LSAMP: variants seen among roughly 807,000 people sequenced by gnomAD.
The protein encoded by LSAMP is limbic system associated membrane protein.
LSAMP carries 7 observed loss-of-function variants against 38.6 expected under a neutral mutation model. The observed-to-expected ratio is 0.18, with a 90% CI of 0.10 to 0.34. LSAMP has a LOEUF of 0.34. Among genes scored for constraint, LSAMP ranks in the 10% least tolerant of loss-of-function variants. The pLI, the probability that LSAMP is intolerant of heterozygous loss-of-function variation, is 1.00. For synonymous variants in LSAMP, 154 were observed against 166.8 expected (o/e 0.92, Z 0.59); for missense variants, 313 against 420.0 (o/e 0.75, Z 2.23).
intron 1 of LSAMP, among the ~76,000 whole-genome samples, chr3:116,285,772 C>T (rs1210751973): frequency 1.3e-5 from 2 of 152,102 alleles, no homozygotes; most frequent in Admixed American, 1.3e-4. Flanking sequence ...AAAAGAAATG[C>T]CTTCTTTTTT....
At chr3:116,232,675 TAA>T (rs2046414720) in intron 1 of LSAMP, among the ~76,000 whole-genome samples, 1 of 145,858 alleles carries the variant, frequency 6.9e-6, no homozygotes, top group East Asian at 2.1e-4. Context: ...CTTTTTCTTT[TAA>T]TTTTCTTTTC....
chr3:116,191,666 T>C (rs892416434), intron 1 of LSAMP, among the ~76,000 whole-genome samples: 3 of 151,786 alleles, frequency 2.0e-5, no homozygotes, highest in Non-Finnish European at 4.4e-5. Flanking sequence ...GGTTTAGCTC[T>C]TCTGTCTTGA....
chr3:116,427,266 G>A (rs925894762), intron 1 of LSAMP, among the ~76,000 whole-genome samples: 25 of 151,160 alleles, frequency 1.7e-4, no homozygotes, highest in Non-Finnish European at 2.9e-4. Context: ...GACTACAGGC[G>A]CCCACCACCG....
chr3:116,284,740 A>G (rs887395126), intron 1 of LSAMP, among the ~76,000 whole-genome samples: 1 of 152,176 alleles, frequency 6.6e-6, no homozygotes, highest in Non-Finnish European at 1.5e-5. Flanking sequence ...ATGGGCTCTC[A>G]ATCCAAAGAA....
chr3:116,048,573 A>G (rs1376591455), intron 2 of LSAMP, among the ~76,000 whole-genome samples: 1 of 152,222 alleles, frequency 6.6e-6, no homozygotes, highest in Non-Finnish European at 1.5e-5. Flanking sequence ...GAACAAATGT[A>G]AATCTAACAA....
chr3:116,189,249 A>G (rs1710697162), intron 1 of LSAMP, among the ~76,000 whole-genome samples: 1 of 152,204 alleles, frequency 6.6e-6, no homozygotes, highest in Non-Finnish European at 1.5e-5. Context: ...TGGTCTAGAT[A>G]AATAATTTTC....
At chr3:116,431,199 G>A (rs1021938142) in intron 1 of LSAMP, among the ~76,000 whole-genome samples, 5 of 151,706 alleles carry the variant, frequency 3.3e-5, no homozygotes, top group African/African-American at 4.8e-5. Context: ...TTATTTTGGC[G>A]TAATTGCTTG....
At chr3:115,850,650 G>C (rs1170781412) in intron 4 of LSAMP, among the ~76,000 whole-genome samples, 1 of 152,172 alleles carries the variant, frequency 6.6e-6, no homozygotes, top group Non-Finnish European at 1.5e-5. Context: ...AGATAGCTAG[G>C]GATAGAAGCA....
intron 1 of LSAMP, among the ~76,000 whole-genome samples, chr3:116,218,312 T>C (rs1432302488): frequency 6.6e-6 from 1 of 152,216 alleles, no homozygotes; most frequent in Non-Finnish European, 1.5e-5. Context: ...CTATGTATAC[T>C]ACCTGTGATT....
At chr3:116,270,181 A>T (rs2046952913) in intron 1 of LSAMP, among the ~76,000 whole-genome samples, 2 of 152,116 alleles carry the variant, frequency 1.3e-5, no homozygotes, top group South Asian at 4.1e-4. Context: ...ACATGTCCTA[A>T]TAAGTATGTC....
intron 3 of LSAMP, among the ~76,000 whole-genome samples, chr3:115,972,465 C>T (rs372053555): frequency 2.0e-5 from 3 of 151,674 alleles, no homozygotes; most frequent in East Asian, 1.9e-4. Flanking sequence ...TATTTTAATA[C>T]GTTTAAAATA....
chr3:116,438,183 C>T (rs1300807513), intron 1 of LSAMP, among the ~76,000 whole-genome samples: 1 of 151,778 alleles, frequency 6.6e-6, no homozygotes, highest in African/African-American at 2.4e-5. Context: ...GTGCAAATGG[C>T]CTGTGTATAG....
At chr3:116,022,142 C>T (rs1354974601) in intron 2 of LSAMP, among the ~76,000 whole-genome samples, 1 of 152,042 alleles carries the variant, frequency 6.6e-6, no homozygotes, top group Non-Finnish European at 1.5e-5. Context: ...TGTTTTCCTA[C>T]TTTATTTTGT....
In LSAMP at chr3:115,878,049, G is replaced by A. The variant is rs184511844; in HGVS notation, c.515-25432C>T. ...AGCTCCATCTCCCTGGGCCATACGCGGAGACACGATTGTTCTGCAGTATAT... is the reference window on the plus strand; with the variant it reads ...AGCTCCATCTCCCTGGGCCATACGCAGAGACACGATTGTTCTGCAGTATAT... On this transcript the variant is annotated intron_variant, in intron 3 of 6. Transcript: ENST00000490035. Among the ~76,000 whole-genome samples, 561 of 152,150 alleles carry A rather than the reference G, an allele frequency of 3.7e-3. 16 individuals are homozygous for A. The highest frequency in any genetic ancestry group is 0.028 in the Admixed American group (424 of 15,276).
intron 1 of LSAMP, among the ~76,000 whole-genome samples, chr3:116,123,456 T>C (rs1448235288): frequency 2.0e-5 from 3 of 152,210 alleles, no homozygotes; most frequent in Admixed American, 6.5e-5. Context: ...ATTCCAACAA[T>C]AGGCAACATT....
intron 1 of LSAMP, among the ~76,000 whole-genome samples, chr3:116,203,961 C>A (rs2107596685): frequency 6.6e-6 from 1 of 152,214 alleles, no homozygotes; most frequent in African/African-American, 2.4e-5. Flanking sequence ...TTCTAGATCC[C>A]TGAGGAATCG....
intron 3 of LSAMP, among the ~76,000 whole-genome samples, chr3:115,876,305 A>G (rs1315186606): frequency 6.7e-6 from 1 of 149,220 alleles, no homozygotes; most frequent in Non-Finnish European, 1.5e-5. Flanking sequence ...TAAGGCTACA[A>G]ATAATACCCT....
intron 2 of LSAMP, among the ~76,000 whole-genome samples, chr3:116,073,164 A>G (rs548711319): frequency 6.6e-6 from 1 of 152,308 alleles, no homozygotes; most frequent in South Asian, 2.1e-4. Context: ...TAAATAGGGA[A>G]TCCTTTCTCC....
At chr3:115,998,738 C>T (rs185923389) in intron 3 of LSAMP, among the ~76,000 whole-genome samples, 35 of 152,166 alleles carry the variant, frequency 2.3e-4, no homozygotes, top group Admixed American at 1.8e-3. Context: ...TGCTTTGAGA[C>T]GAAGAGTGAT....
Sources: gnomAD v4.1 joint callset for allele counts (sites outside exome capture counted in the v4.1 genomes callset) on GRCh38, gnomAD v4.1.1 for gene constraint, MANE v1.5 for transcripts, NCBI Gene and HGNC (gene_info 2026-07-23, HGNC 2026-07-21) for gene names.